The following C2CD5 variants were observed in gnomAD, a reference collection of about 807,000 sequenced individuals.
C2CD5 encodes the protein C2 calcium dependent domain containing 5.
A neutral mutation model predicts 130.3 loss-of-function variants in C2CD5; 109 were observed. That is an observed-to-expected ratio of 0.84 (90% CI 0.72 to 0.98). C2CD5 has a LOEUF of 0.98. Ranked by LOEUF, C2CD5 falls within the 50% of genes least tolerant of loss-of-function variation. C2CD5 has a pLI of 0.00. For missense variants in C2CD5, 996 were observed against 1,261.8 expected, an observed-to-expected ratio of 0.79 and a Z score of 3.19; for synonymous variants, 454 against 429.2, an observed-to-expected ratio of 1.06 and a Z score of -0.71.
chr12:22,455,945 A>G (rs936325598), intron 25 of C2CD5, among the ~76,000 whole-genome samples: 20 of 152,202 alleles, frequency 1.3e-4, no homozygotes, highest in African/African-American at 4.6e-4. Flanking sequence ...TCAGCCTCCC[A>G]AAGTGGTGAG....
chr12:22,480,918 T>C (rs1247598254), intron 14 of C2CD5, among the ~76,000 whole-genome samples: 1 of 151,808 alleles, frequency 6.6e-6, no homozygotes, highest in Non-Finnish European at 1.5e-5. Flanking sequence ...GATTCTCCCA[T>C]CTCAGCCTCC....
At chr12:22,530,962 C>A (rs950870815) in intron 3 of C2CD5, among the ~76,000 whole-genome samples, 1 of 151,998 alleles carries the variant, frequency 6.6e-6, no homozygotes, top group Non-Finnish European at 1.5e-5. Context: ...TGAAGCTTGC[C>A]TCCTCCCACC....
intron 22 of C2CD5, among the ~76,000 whole-genome samples, chr12:22,462,098 C>A (rs1941275002): frequency 6.6e-6 from 1 of 152,200 alleles, no homozygotes; most frequent in African/African-American, 2.4e-5. Context: ...TGCAGTCTGG[C>A]TCACTGACCA....
intron 9 of C2CD5, among the ~76,000 whole-genome samples, chr12:22,508,330 G>A (rs1024245044): frequency 6.6e-6 from 1 of 152,276 alleles, no homozygotes; most frequent in Admixed American, 6.5e-5. Flanking sequence ...TAGCCCAGCA[G>A]AAAGGTAGAG....
At chr12:22,519,140 C>T in intron 7 of C2CD5, 2 of 1,535,942 alleles carry the variant, frequency 1.3e-6, no homozygotes, top group Non-Finnish European at 1.7e-6. Context: ...TGGGAACAGA[C>T]ACAGAGAAGT....
At chr12:22,474,251 C>A (rs1943504466) in intron 16 of C2CD5, among the ~76,000 whole-genome samples, 1 of 152,116 alleles carries the variant, frequency 6.6e-6, no homozygotes, top group Admixed American at 6.6e-5. Context: ...TCTCCATAAA[C>A]TTTTCATGTG....
intron 13 of C2CD5, 28 bp from the exon 14 acceptor site, chr12:22,482,771 G>A (rs1284280369): frequency 9.1e-6 from 14 of 1,535,302 alleles, no homozygotes; most frequent in Non-Finnish European, 1.2e-5. Context: ...TCAGTGAACA[G>A]TATTCTTGGT....
chr12:22,462,861 C>T (rs561738513), intron 22 of C2CD5, among the ~76,000 whole-genome samples: 2 of 152,006 alleles, frequency 1.3e-5, no homozygotes, highest in East Asian at 1.9e-4. Context: ...CCTAAGTGGG[C>T]GGGTCAGTTG....
chr12:22,498,898 ACTT>A (rs1299032006), intron 10 of C2CD5, among the ~76,000 whole-genome samples: 2 of 152,232 alleles, frequency 1.3e-5, no homozygotes, highest in African/African-American at 4.8e-5. Context: ...TAACTTCTTT[ACTT>A]CTTCTTGCCA....
rs149399746 is a variant in C2CD5, at chr12:22,489,156, G to A, written c.1358+967C>T. Among the ~76,000 whole-genome samples, 676 of 151,996 alleles carry A rather than the reference G, an allele frequency of 4.4e-3. 11 individuals are homozygous for A. In the East Asian group the frequency reaches 0.05, roughly 11 times the overall value. On this transcript the variant is annotated intron_variant, in intron 12 of 26. Transcript: ENST00000446597. The stretch of plus-strand genomic sequence containing the variant: ...CTCACAAAGTGCTAGGATTACAGGC[G>A]TGAGCCACCGCACTTGGCCTTTGCT...
At chr12:22,454,167 A>T in intron 25 of C2CD5, 125 bp from the exon 26 acceptor site, 1 of 712,918 alleles carries the variant, frequency 1.4e-6, no homozygotes, top group Non-Finnish European at 2.2e-6. Flanking sequence ...AAATAACTTA[A>T]ACTTCCCTCA....
rs1240618327 is a variant in C2CD5, at chr12:22,518,066, G to A, written c.872C>T (p.Thr291Ile). The change falls in exon 8 of 27, where the codon ACT (threonine) becomes ATT (isoleucine). Residue 291 changes from threonine to isoleucine, a missense_variant. This residue lies in a region of C2CD5 where 156 missense variants were observed against 165.9 expected (regional missense o/e 0.94). Coordinates refer to ENST00000446597, the MANE Select transcript of C2CD5 (RefSeq NM_001286176.2). Reference sequence around the variant, plus strand: ...GGACTTGGAAGGTGAAAAGGAATAAGTTTGGTTTTTCAGAGGGGTTGAGGG... The same window carrying A: ...GGACTTGGAAGGTGAAAAGGAATAAATTTGGTTTTTCAGAGGGGTTGAGGG... The part of the protein sequence containing the change: ...SGPSTPLKNQ[T>I]YSFSPSKSYS... The A allele has an allele frequency of 6.2e-7, 1 of 1,613,786 alleles. No homozygotes were observed. The highest frequency in any genetic ancestry group is 2.2e-5 in the East Asian group (1 of 44,876).
At chr12:22,520,049 T>C (rs1162931466) in intron 7 of C2CD5, among the ~76,000 whole-genome samples, 1 of 152,150 alleles carries the variant, frequency 6.6e-6, no homozygotes, top group Non-Finnish European at 1.5e-5. Flanking sequence ...TATACAAGTA[T>C]ATATTGATAT....
At chr12:22,486,790 G>C (rs1945588735) in intron 12 of C2CD5, among the ~76,000 whole-genome samples, 1 of 152,096 alleles carries the variant, frequency 6.6e-6, no homozygotes, top group South Asian at 2.1e-4. Context: ...TGTAGTGTAA[G>C]AAAAAGATGC....
At chr12:22,500,173 G>GA (rs2136601829) in intron 10 of C2CD5, among the ~76,000 whole-genome samples, 1 of 151,306 alleles carries the variant, frequency 6.6e-6, no homozygotes, top group East Asian at 2.0e-4. Context: ...GACAGAGCAA[G>GA]ATTCCATCTC....
chr12:22,506,613 C>T, intron 10 of C2CD5, 98 bp downstream of exon 10: 1 of 712,248 alleles, frequency 1.4e-6, no homozygotes. Context: ...CTTTTCATTT[C>T]TCTTTTCAGT....
In C2CD5 at chr12:22,535,294, G is replaced by A. The variant is rs571140627; in HGVS notation, c.141C>T (p.Leu47=). 3 of 1,607,724 alleles carry A rather than the reference G, an allele frequency of 1.9e-6. No homozygotes were observed. Among genetic ancestry groups the A allele is most frequent in the African/African-American group, 1.3e-5 (1 of 74,836 alleles). ...ACCACTCCGAGTTCCACTGAGGGTT[G>A]AGTGACTTAAGGTACACATCTGTTT... The part of the protein sequence containing the change: ...TFKTDVYLKS[L]NPQWNSEWFK... Residue 47 remains leucine (L), a synonymous_variant, in exon 3 of 27, where the codon CTC becomes CTT. Transcript: ENST00000446597.
In C2CD5 at chr12:22,490,191, A is replaced by T; in HGVS notation, c.1290T>A (p.Ser430=). The T allele has an allele frequency of 6.2e-7, 1 of 1,613,638 alleles. No individual in the cohort carries two copies. The highest frequency in any genetic ancestry group is 8.5e-7 in the Non-Finnish European group (1 of 1,179,598). The change falls in exon 12 of 27, where the codon TCT becomes TCA. Residue 430 remains serine, a synonymous_variant. Transcript: ENST00000446597. The part of the protein sequence containing the change: ...ICEEVCILSA[S]GTAAVLNPRF... ...TAGGATTCAGTACAGCCGCTGTGCC[A>T]GATGCAGATAAAATGCAGACCTCTT...
chr12:22,487,481 G>A (rs1458991126), intron 12 of C2CD5, among the ~76,000 whole-genome samples: 2 of 152,200 alleles, frequency 1.3e-5, no homozygotes, highest in African/African-American at 4.8e-5. Flanking sequence ...TCAGAGAAAT[G>A]CAAATCAAAA....
Sources: gnomAD v4.1 joint callset for allele counts (sites outside exome capture counted in the v4.1 genomes callset) on GRCh38, gnomAD v4.1.1 for gene constraint, gnomAD v4.1.1 regional missense constraint, MANE v1.5 for transcripts, NCBI Gene and HGNC (gene_info 2026-07-23, HGNC 2026-07-21) for gene names.